TNIK: variants seen among roughly 807,000 people sequenced by gnomAD.
TNIK encodes TRAF2 and NCK-interacting protein kinase.
TNIK carries 49 observed loss-of-function variants against 191.3 expected under a neutral mutation model. The observed-to-expected ratio is 0.26, with a 90% CI of 0.20 to 0.32. The LOEUF is 0.32. TNIK is among the 10% of genes least tolerant of loss of function. The pLI is 1.00. For missense variants in TNIK, 1,155 were observed against 1,702.3 expected (o/e 0.68, Z 5.66); for synonymous variants, 594 against 600.9 (o/e 0.99, Z 0.17).
intron 1 of TNIK, among the ~76,000 whole-genome samples, chr3:171,400,483 C>A (rs1720788305): frequency 6.6e-6 from 1 of 151,870 alleles, no homozygotes; most frequent in Non-Finnish European, 1.5e-5. Context: ...ATTGAAGGAT[C>A]ATTTGGGCCC....
chr3:171,117,495 A>AATACATATATATAAGACAT (rs1726919669), intron 18 of TNIK, among the ~76,000 whole-genome samples: 1 of 151,184 alleles, frequency 6.6e-6, no homozygotes. Context: ...TAAATTAGTA[A>AATACATATATATAAGACAT]ATACATATAT....
chr3:171,349,462 G>A (rs568955414), intron 2 of TNIK, among the ~76,000 whole-genome samples: 1 of 152,272 alleles, frequency 6.6e-6, no homozygotes, highest in African/African-American at 2.4e-5. Context: ...ATCAGCCACT[G>A]CAGTCCTACC....
At position 171,101,575 on chromosome 3, in the gene TNIK, G is replaced by A. The variant is rs1723569227; in HGVS notation, c.2465C>T (p.Pro822Leu). ...GGAGTAATCAGTCACCTTCTTCATTGGGCGGTTTGTTTCTTCAATCCGGAG... is the reference window on the plus strand; with the variant it reads ...GGAGTAATCAGTCACCTTCTTCATTAGGCGGTTTGTTTCTTCAATCCGGAG... The part of the protein sequence containing the change: ...RELRIEETNR[P>L]MKKVTDYSSS... Residue 822 changes from proline to leucine, a missense_variant, in exon 22 of 33, where the codon CCA (proline) becomes CTA (leucine). By Grantham distance (98) the Pro-to-Leu change is moderately conservative (BLOSUM62 -3). Coordinates refer to ENST00000436636, the MANE Select transcript of TNIK (RefSeq NM_015028.4). 3 of 1,613,320 alleles carry A rather than the reference G, an allele frequency of 1.9e-6. No homozygotes were observed. Among genetic ancestry groups the A allele is most frequent in the Non-Finnish European group, 1.7e-6 (2 of 1,179,506 alleles).
At chr3:171,254,712 A>G (rs1746634735) in intron 2 of TNIK, among the ~76,000 whole-genome samples, 1 of 152,222 alleles carries the variant, frequency 6.6e-6, no homozygotes, top group Non-Finnish European at 1.5e-5. Context: ...TATAAGGGCT[A>G]AATGGAAATC....
intron 2 of TNIK, among the ~76,000 whole-genome samples, chr3:171,283,405 A>G (rs1345091678): frequency 6.6e-6 from 1 of 152,158 alleles, no homozygotes; most frequent in Non-Finnish European, 1.5e-5. Flanking sequence ...CAATAGTATA[A>G]CTAAAGGAAG....
At chr3:171,182,470 A>C (rs1322039160) in intron 7 of TNIK, among the ~76,000 whole-genome samples, 1 of 152,128 alleles carries the variant, frequency 6.6e-6, no homozygotes, top group Admixed American at 6.5e-5. Context: ...GAAAGAGATA[A>C]GTTTCGTTCA....
chr3:171,405,177 T>C (rs1468924785), intron 1 of TNIK, among the ~76,000 whole-genome samples: 1 of 152,132 alleles, frequency 6.6e-6, no homozygotes, highest in African/African-American at 2.4e-5. Context: ...CAGTGTGGAT[T>C]TGAACGCAAG....
chr3:171,389,524 T>A (rs1560010321), intron 1 of TNIK, among the ~76,000 whole-genome samples: 3 of 152,194 alleles, frequency 2.0e-5, no homozygotes, highest in African/African-American at 7.2e-5. Flanking sequence ...GCACTTGCTA[T>A]GGAAACTTTA....
At chr3:171,322,204 A>G (rs1245040874) in intron 2 of TNIK, among the ~76,000 whole-genome samples, 1 of 152,200 alleles carries the variant, frequency 6.6e-6, no homozygotes. Context: ...AATATGAAAA[A>G]ATTACAATGT....
chr3:171,300,063 G>A (rs1752716573), intron 2 of TNIK, among the ~76,000 whole-genome samples: 1 of 152,230 alleles, frequency 6.6e-6, no homozygotes, highest in Admixed American at 6.5e-5. Context: ...CAGGAATTGT[G>A]TGAGAAAGAA....
intron 2 of TNIK, among the ~76,000 whole-genome samples, chr3:171,320,345 AC>A (rs1359537345): frequency 1.3e-5 from 2 of 152,220 alleles, no homozygotes; most frequent in Non-Finnish European, 2.9e-5. Context: ...TAGGGGCTTC[AC>A]TAAAATGGTC....
At chr3:171,432,210 C>T (rs1214772260) in intron 1 of TNIK, among the ~76,000 whole-genome samples, 3 of 152,104 alleles carry the variant, frequency 2.0e-5, no homozygotes, top group Admixed American at 2.0e-4. Context: ...ACACAATCGA[C>T]TTGTGGAAAA....
intron 2 of TNIK, among the ~76,000 whole-genome samples, chr3:171,363,622 T>C (rs1165623486): frequency 6.6e-6 from 1 of 152,190 alleles, no homozygotes; most frequent in Non-Finnish European, 1.5e-5. Context: ...TATGAAAAGC[T>C]ACAGTGCATC....
chr3:171,106,590 A>G, intron 21 of TNIK: 1 of 486,852 alleles, frequency 2.1e-6, no homozygotes, highest in Admixed American at 2.1e-5. Flanking sequence ...TAAGGCAGTC[A>G]TCCTTCTTAG....
intron 2 of TNIK, among the ~76,000 whole-genome samples, chr3:171,289,918 A>AG (rs1422252978): frequency 6.6e-6 from 1 of 151,304 alleles, no homozygotes; most frequent in Non-Finnish European, 1.5e-5. Flanking sequence ...AAAAAAAAAA[A>AG]AAAAGTGTAA....
rs77649171 is a variant in TNIK at position 171,380,672 on chromosome 3, C to T, written c.58-10987G>A. The stretch of plus-strand genomic sequence containing the variant: ...TTTACCAGCTGCCTACCTGTCCCCA[C>T]CCCTCTTCACAATACAGTGAGCTTC... On this transcript the variant is annotated intron_variant, in intron 1 of 32. Coordinates refer to ENST00000436636, the MANE Select transcript of TNIK (RefSeq NM_015028.4). Among the ~76,000 whole-genome samples the T allele has an allele frequency of 7.7e-3, 1,167 of 151,456 alleles. 11 individuals are homozygous for T. The highest frequency in any genetic ancestry group is 0.024 in the Middle Eastern group (7 of 294).
At chr3:171,336,540 G>T (rs953141261) in intron 2 of TNIK, among the ~76,000 whole-genome samples, 22 of 152,258 alleles carry the variant, frequency 1.4e-4, no homozygotes, top group African/African-American at 5.3e-4. Context: ...CTGAGGAAAG[G>T]CCTAACAGTC....
Position 171,058,951 on chromosome 3 carries a change from G to C in TNIK, c.*4930C>G, listed in dbSNP as rs1001270227. ...AGGTTTCTTAAACATACCATAATAA[G>C]TATTACTATTCCTTAACATTTATCC... On this transcript the variant is annotated 3_prime_UTR_variant, in exon 33 of 33. Transcript: ENST00000436636. 1.3e-5 allele frequency among the ~76,000 whole-genome samples: 2 copies of C among 152,178 alleles called. No homozygotes were observed. Among genetic ancestry groups the C allele is most frequent in the African/African-American group, 4.8e-5 (2 of 41,446 alleles).
intron 2 of TNIK, among the ~76,000 whole-genome samples, chr3:171,276,980 G>A (rs961240053): frequency 3.9e-5 from 6 of 152,202 alleles, no homozygotes; most frequent in Non-Finnish European, 8.8e-5. Context: ...TTCATGCAAT[G>A]GAAATGTAAT....
Sources: allele counts gnomAD v4.1 joint callset (sites outside exome capture counted in the v4.1 genomes callset), GRCh38; gene constraint gnomAD v4.1.1; transcripts MANE v1.5; gene names NCBI Gene and HGNC (gene_info 2026-07-23, HGNC 2026-07-21).